The following RNF213 variants were observed in gnomAD, a reference collection of about 807,000 sequenced individuals.
The protein encoded by RNF213 is ring finger protein 213.
In RNF213, 341 loss-of-function variants were observed where a neutral mutation model predicts 514.4. The ratio of observed to expected loss-of-function variants is 0.66; its 90% CI spans 0.61 to 0.73. RNF213 has a LOEUF of 0.73. RNF213 is among the 30% of genes least tolerant of loss of function. The probability of loss-of-function intolerance (pLI) is 0.00; values close to 1 mark genes in which losing one functional copy is unlikely to be tolerated. For synonymous variants in RNF213, 2,655 were observed against 2,658.2 expected, an observed-to-expected ratio of 1.00 and a Z score of 0.04; for missense variants, 5,767 against 6,615.6, an observed-to-expected ratio of 0.87 and a Z score of 4.45.
In RNF213 at chr17:80,317,251, G is replaced by T. The variant is rs546643996; in HGVS notation, c.2875G>T (p.Gly959Ter). Residue 959 changes from glycine to a stop codon, truncating the protein, a stop_gained, in exon 16 of 68, where the codon GGA (glycine) becomes TGA (stop). Coordinates refer to ENST00000582970, the MANE Select transcript of RNF213 (RefSeq NM_001256071.3). LOFTEE classifies it high-confidence loss of function. The surrounding 1 kb of genome is among the most constrained non-coding windows in gnomAD (Gnocchi z 4.1). ...GCATGGCTGGAAGGAGTCGTTGCTG[G>T]GAGACATGGAATGGAGGCTCACAAA... is the stretch of plus-strand genomic sequence containing the variant. ...AEHGWKESLL[G>*]DMEWRLTKEE... The T allele has an allele frequency of 1.3e-4, 212 of 1,612,822 alleles. 1 individual carries two copies. In the South Asian group the frequency reaches 1.9e-3, roughly 14 times the overall value.
At chr17:80,289,994 AG>A (rs922681281) in intron 6 of RNF213, among the ~76,000 whole-genome samples, 157 bp downstream of exon 6, 4 of 152,032 alleles carry the variant, frequency 2.6e-5, no homozygotes, top group African/African-American at 9.7e-5. Flanking sequence ...TAGGAGGTGG[AG>A]GGGGGTGGGC....
At chr17:80,324,879 A>C (rs545418263) in intron 17 of RNF213, 151 bp from the exon 18 acceptor site, 89 of 717,780 alleles carry the variant, frequency 1.2e-4, no homozygotes, top group Non-Finnish European at 3.0e-5. Flanking sequence ...AGAAATGTAA[A>C]GTGTTTTACT....
Position 80,309,077 on chromosome 17 carries a change from C to T in RNF213, c.2561C>T (p.Ala854Val), listed in dbSNP as rs912864179. 8 of 1,614,064 alleles carry T rather than the reference C, an allele frequency of 5.0e-6. No individual in the cohort carries two copies. The highest frequency in any genetic ancestry group is 6.8e-6 in the Non-Finnish European group (8 of 1,180,052). ...ACTGTGTGTCTGAAACTGCATGAAGCCATCTGCAGCAGCACAAAGCTACTT... is the reference window on the plus strand; with the variant it reads ...ACTGTGTGTCTGAAACTGCATGAAGTCATCTGCAGCAGCACAAAGCTACTT... ...YLTVCLKLHE[A>V]ICSSTKLLKF... The change falls in exon 14 of 68, where the codon GCC (alanine) becomes GTC (valine). Residue 854 changes from alanine to valine, a missense_variant. This residue lies in a region of RNF213 where 592 missense variants were observed against 673.9 expected (regional missense o/e 0.88). Coordinates refer to ENST00000582970, the MANE Select transcript of RNF213 (RefSeq NM_001256071.3).
Position 80,280,525 on chromosome 17 carries a change from C to G in RNF213, c.261+7121C>G, listed in dbSNP as rs1168971029. On this transcript the variant is annotated intron_variant, in intron 3 of 67. Coordinates refer to ENST00000582970, the MANE Select transcript of RNF213 (RefSeq NM_001256071.3). The stretch of plus-strand genomic sequence containing the variant: ...CTGGAGCGCAGTGGCAAAATCATAG[C>G]TCACTGCAGCCTTGACTTCCTGGGC... 2.0e-5 allele frequency among the ~76,000 whole-genome samples: 3 copies of G among 152,202 alleles called. No homozygotes were observed. The East Asian group carries it at 5.8e-4, about 29-fold the overall frequency.
Position 80,371,990 on chromosome 17 carries a change from G to A in RNF213, c.12537+5G>A. On this transcript the variant is annotated splice_donor_5th_base_variant and intron_variant, in intron 47 of 67. Coordinates refer to ENST00000582970, the MANE Select transcript of RNF213 (RefSeq NM_001256071.3). ...CTCTTCATCAACTGCCTGGAGGTAA[G>A]TGAACTCTCTCTTCCCTGAATTTCT... The A allele has an allele frequency of 7.1e-7, 1 of 1,405,726 alleles. No individual in the cohort carries two copies. The highest frequency in any genetic ancestry group is 1.0e-6 in the Non-Finnish European group (1 of 989,920). 87.1% of individuals were successfully genotyped at this position (1,405,726 alleles called of 1,614,324 possible).
At chr17:80,374,661 G>A (rs1349007525) in intron 50 of RNF213, 72 bp downstream of exon 50, 1 of 1,548,772 alleles carries the variant, frequency 6.5e-7, no homozygotes. Context: ...CCTGGTTTAT[G>A]TCAAATGATG....
At chr17:80,319,880 C>G in intron 17 of RNF213, 1 of 1,127,244 alleles carries the variant, frequency 8.9e-7, no homozygotes, top group Non-Finnish European at 1.1e-6. Context: ...ACACTTAACC[C>G]CTGTACAAGC....
chr17:80,337,698 T>C lies in RNF213; in HGVS notation c.4640T>C (p.Val1547Ala). Residue 1547 changes from valine (V) to alanine (A), a missense_variant, in exon 24 of 68, where the codon GTG becomes GCG. Val to Ala is a moderately conservative substitution (Grantham distance 64). Transcript: ENST00000582970. ...ATAINQRGIY[V>A]IQAPKGGQKI... Reference sequence around the variant, plus strand: ...GCCATCAACCAAAGAGGCATCTATGTGATCCAGGCGCCCAAAGGTGGCCAA... The same window carrying C: ...GCCATCAACCAAAGAGGCATCTATGCGATCCAGGCGCCCAAAGGTGGCCAA... 2 of 1,537,302 alleles carry C rather than the reference T, an allele frequency of 1.3e-6. No individual in the cohort carries two copies. Among genetic ancestry groups the C allele is most frequent in the Admixed American group, 3.9e-5 (2 of 51,004 alleles).
At position 80,318,852 on chromosome 17, in the gene RNF213, C is replaced by T. The variant is rs553386904; in HGVS notation, c.2902-338C>T. Among the ~76,000 whole-genome samples the T allele has an allele frequency of 2.0e-3, 302 of 152,338 alleles. 4 individuals are homozygous for T. The highest frequency in any genetic ancestry group is 6.7e-3 in the African/African-American group (277 of 41,586). On this transcript the variant is annotated intron_variant, in intron 16 of 67. Transcript: ENST00000582970. ...CCTCCCAAAGTGCTGGGATGACAGG[C>T]GTGAGCCACCGCGCCCGGCCTATAT...
At position 80,377,139 on chromosome 17, in the gene RNF213, C is replaced by A; in HGVS notation, c.13510+176C>A. ...CGAATGGCTTGAAGGAGCTGGCACT[C>A]CGCCGGCTAGATGATCCAAACCATT... On this transcript the variant is annotated intron_variant, in intron 53 of 67. Coordinates refer to ENST00000582970, the MANE Select transcript of RNF213 (RefSeq NM_001256071.3). The surrounding 1 kb of genome is among the most constrained non-coding windows in gnomAD (Gnocchi z 4.1). 1.6e-6 allele frequency: 1 copy of A among 641,698 alleles called. No individual in the cohort carries two copies. The highest frequency in any genetic ancestry group is 1.7e-5 in the South Asian group (1 of 58,322). The allele number at this position is 641,698 out of a possible 1,614,324, so 39.8% of individuals were successfully genotyped here.
Position 80,367,788 on chromosome 17 carries a change from T to C in RNF213, c.11912T>C (p.Phe3971Ser). 1 of 1,614,252 alleles carries C rather than the reference T, an allele frequency of 6.2e-7. No individual in the cohort carries two copies. The change falls in exon 43 of 68, where the codon TTT becomes TCT. Residue 3971 changes from phenylalanine to serine, a missense_variant. Physicochemically the swap from Phe to Ser is radical, Grantham distance 155 (BLOSUM62 -2). Around this residue, in one of 13 missense-constraint regions of RNF213, gnomAD observed 355 missense variants for 358.0 expected, o/e 0.99. Transcript: ENST00000582970. ...TCTGACGTGAAGACGCACGGGCCTTTTGAGGCCGTGATGCGCACTCTCTGT... is the reference window on the plus strand; with the variant it reads ...TCTGACGTGAAGACGCACGGGCCTTCTGAGGCCGTGATGCGCACTCTCTGT... ...ENSDVKTHGP[F>S]EAVMRTLCEC...
At chr17:80,385,697 C>T (rs571427645) in intron 61 of RNF213, 76 bp downstream of exon 61, 29 of 1,242,660 alleles carry the variant, frequency 2.3e-5, no homozygotes, top group African/African-American at 5.9e-5. Flanking sequence ...CAGCCTGACT[C>T]GGCCCATCCC....
Position 80,375,883 on chromosome 17 carries a change from C to G in RNF213, c.13185+13C>G, listed in dbSNP as rs1421830259. 2 of 1,526,486 alleles carry G rather than the reference C, an allele frequency of 1.3e-6. No homozygotes were observed. The highest frequency in any genetic ancestry group is 2.2e-5 in the South Asian group (2 of 89,294). The allele number at this position is 1,526,486 out of a possible 1,614,324, so 94.6% of individuals were successfully genotyped here. ...CCCCACGCCAGAGGTGAGTAACCGCCTGCAGGGCTGTGTTCAAAGTCTCAG... is the reference window on the plus strand; with the variant it reads ...CCCCACGCCAGAGGTGAGTAACCGCGTGCAGGGCTGTGTTCAAAGTCTCAG... On this transcript the variant is annotated intron_variant, in intron 51 of 67. Transcript: ENST00000582970.
intron 10 of RNF213, among the ~76,000 whole-genome samples, chr17:80,296,512 C>T (rs1182570196): frequency 6.6e-6 from 1 of 152,144 alleles, no homozygotes; most frequent in Non-Finnish European, 1.5e-5. Context: ...CTGTCCTGGG[C>T]CTGAAATGTT....
intron 36 of RNF213, chr17:80,354,780 C>G (rs2078669813): frequency 1.6e-6 from 1 of 628,440 alleles, no homozygotes; most frequent in African/African-American, 1.8e-5. Context: ...TGGACTCTTC[C>G]TCTAATTTCG....
Position 80,377,687 on chromosome 17 carries a change from A to T in RNF213, c.13511-75A>T, listed in dbSNP as rs933013388. ...TTGTGGTCAGGGCCAGAGAGTAGAG[A>T]GTTAGCTTTCCCTTTTCAATGTGGG... On this transcript the variant is annotated intron_variant, in intron 53 of 67. Transcript: ENST00000582970. This position sits in a 1 kb window ranked among gnomAD's most constrained non-coding sequence, Gnocchi z 4.1. 4 of 1,520,352 alleles carry T rather than the reference A, an allele frequency of 2.6e-6. No homozygotes were observed. In the Admixed American group the frequency reaches 5.0e-5, roughly 19 times the overall value. 94.2% of individuals were successfully genotyped at this position (1,520,352 alleles called of 1,614,324 possible).
chr17:80,313,867 T>TG (rs2143699112), intron 15 of RNF213, among the ~76,000 whole-genome samples: 6 of 74,238 alleles, frequency 8.1e-5, no homozygotes, highest in Admixed American at 2.2e-4. Context: ...ATGGTGGTGG[T>TG]GAAGGTGATG....
rs780152231 is a variant in RNF213, at chr17:80,385,083, C to T, written c.14367C>T (p.Ala4789=). The stretch of plus-strand genomic sequence containing the variant: ...TAAAGTTCCTGCCTGAGATTTTGGC[C>T]TTGCAAAGGGATCTAGTGAAGCAGT... ...RLVKFLPEIL[A]LQRDLVKQFQ... is the part of the protein sequence containing the mutation. The change falls in exon 60 of 68, where the codon GCC becomes GCT. Residue 4789 remains alanine, a synonymous_variant. Coordinates refer to ENST00000582970, the MANE Select transcript of RNF213 (RefSeq NM_001256071.3). 1.2e-6 allele frequency: 2 copies of T among 1,614,044 alleles called. No homozygotes were observed. Among genetic ancestry groups the T allele is most frequent in the South Asian group, 1.1e-5 (1 of 91,086 alleles).
At chr17:80,369,475 C>T (rs2079426222) in intron 44 of RNF213, 27 bp from the exon 45 acceptor site, 2 of 1,606,850 alleles carry the variant, frequency 1.2e-6, no homozygotes, top group Admixed American at 1.7e-5. Context: ...ACACCATCCA[C>T]CTGTCTTCTG....
Sources: allele counts gnomAD v4.1 joint callset (sites outside exome capture counted in the v4.1 genomes callset), GRCh38; gene constraint gnomAD v4.1.1; regional missense constraint gnomAD v4.1.1; non-coding constraint Gnocchi (gnomAD v3.1); transcripts MANE v1.5; gene names NCBI Gene and HGNC (gene_info 2026-07-23, HGNC 2026-07-21).